Variants in TTL observed in about 807,000 individuals in gnomAD.
TTL encodes the protein tubulin tyrosine ligase.
In TTL, 10 loss-of-function variants were observed where a neutral mutation model predicts 41.1. The ratio of observed to expected loss-of-function variants is 0.24; its 90% confidence interval spans 0.15 to 0.41. TTL has a LOEUF of 0.41. Ranked by LOEUF, TTL falls within the 10% of genes least tolerant of loss-of-function variation. The probability of loss-of-function intolerance (pLI) is 1.00; values close to 1 mark genes in which losing one functional copy is unlikely to be tolerated. For synonymous variants in TTL, 175 were observed against 175.5 expected (o/e 1.00, Z 0.02); for missense variants, 367 against 460.4 (o/e 0.80, Z 1.86).
At chr2:112,511,092 G>T (rs1191376213) in intron 5 of TTL, among the ~76,000 whole-genome samples, 1 of 151,914 alleles carries the variant, frequency 6.6e-6, no homozygotes, top group Non-Finnish European at 1.5e-5. Context: ...AACATGGTTT[G>T]CTGCAGCCTT....
chr2:112,488,347 A>G (rs1470511012), intron 2 of TTL, among the ~76,000 whole-genome samples: 1 of 152,250 alleles, frequency 6.6e-6, no homozygotes, highest in African/African-American at 2.4e-5. Flanking sequence ...TCTGTGCAGG[A>G]AATGAGGGCT....
intron 5 of TTL, among the ~76,000 whole-genome samples, chr2:112,512,235 G>T (rs1023764658): frequency 6.6e-6 from 1 of 151,618 alleles, no homozygotes; most frequent in Non-Finnish European, 1.5e-5. Flanking sequence ...GGGATTACAG[G>T]CATGTGCCAC....
chr2:112,495,072 C>G (rs1362469115), intron 3 of TTL, among the ~76,000 whole-genome samples: 7 of 152,186 alleles, frequency 4.6e-5, no homozygotes, highest in Non-Finnish European at 8.8e-5. Flanking sequence ...TATCTCTGAT[C>G]TCATCTCCTT....
intron 6 of TTL, among the ~76,000 whole-genome samples, chr2:112,527,341 G>A (rs1682395895): frequency 6.6e-6 from 1 of 152,180 alleles, no homozygotes; most frequent in Non-Finnish European, 1.5e-5. Context: ...GCTTGGTGCA[G>A]AGCTGAGTTC....
chr2:112,530,759 G>T lies in TTL; in HGVS notation c.*1964G>T. ...TAAGAATTCAGATGTCAGGAAGTCT[G>T]TGAATCTTGATGGATTTTCTGAGAA... On this transcript the variant is annotated 3_prime_UTR_variant, in exon 7 of 7. Transcript: ENST00000233336. 4.9e-6 allele frequency: 1 copy of T among 203,436 alleles called. No homozygotes were observed. Among genetic ancestry groups the T allele is most frequent in the African/African-American group, 2.3e-5 (1 of 43,750 alleles). 12.6% of individuals were successfully genotyped at this position (203,436 alleles called of 1,614,324 possible). A position where few individuals can be genotyped will look rare whatever the true frequency, so the allele number is the denominator to read the frequency against.
At chr2:112,494,663 A>G (rs528575425) in intron 3 of TTL, among the ~76,000 whole-genome samples, 13 of 152,286 alleles carry the variant, frequency 8.5e-5, no homozygotes, top group African/African-American at 2.6e-4. Flanking sequence ...TGCCCACGCC[A>G]GCCTGCTCCT....
intron 5 of TTL, among the ~76,000 whole-genome samples, chr2:112,509,428 G>T (rs1358142353): frequency 6.6e-6 from 1 of 152,220 alleles, no homozygotes; most frequent in East Asian, 1.9e-4. Flanking sequence ...TTGCTGCCTT[G>T]TAGTTTGATC....
chr2:112,486,430 A>G (rs2104445844), intron 2 of TTL, among the ~76,000 whole-genome samples: 1 of 152,316 alleles, frequency 6.6e-6, no homozygotes, highest in South Asian at 2.1e-4. Flanking sequence ...TCAGTCAGCC[A>G]TTGGCTGTGG....
intron 1 of TTL, among the ~76,000 whole-genome samples, 173 bp from the exon 2 acceptor site, chr2:112,485,744 G>A (rs3961919): frequency 0.55 from 83,673 of 152,054 alleles, 24,758 homozygotes; most frequent in East Asian, 0.8. Context: ...GGTTGCCAGC[G>A]GAATACTGAG....
At position 112,492,354 on chromosome 2, in the gene TTL, G is replaced by A. The variant is rs138319567; in HGVS notation, c.237-1789G>A. ...TAATCCAGCACTTTGGGAGGCTGAGGTGGGTGGTTTACCTGAGGTCAGGAG... is the reference window on the plus strand; with the variant it reads ...TAATCCAGCACTTTGGGAGGCTGAGATGGGTGGTTTACCTGAGGTCAGGAG... On this transcript the variant is annotated intron_variant, in intron 2 of 6. Coordinates refer to ENST00000233336, the MANE Select transcript of TTL (RefSeq NM_153712.5). Among the ~76,000 whole-genome samples the A allele has an allele frequency of 5.7e-3, 864 of 152,344 alleles. 7 individuals carry two copies. Among genetic ancestry groups the A allele is most frequent in the African/African-American group, 0.02 (823 of 41,580 alleles).
At position 112,535,659 on chromosome 2, in the gene TTL, G is replaced by T. The variant is rs1682583606; in HGVS notation, c.*6864G>T. The T allele has an allele frequency of 6.6e-6, 1 of 151,972 alleles. No individual in the cohort carries two copies. The highest frequency in any genetic ancestry group is 1.5e-5 in the Non-Finnish European group (1 of 68,014). The allele number at this position is 151,972 out of a possible 1,614,324, so 9.4% of individuals were successfully genotyped here. A position where few individuals can be genotyped will look rare whatever the true frequency, so the allele number is the denominator to read the frequency against. ...GGCCTAAAGAAACCAACAGTAAAAT[G>T]GTAGATAAATCCTGCCTTATCAGTA... is the stretch of plus-strand genomic sequence containing the variant. On this transcript the variant is annotated 3_prime_UTR_variant, in exon 7 of 7. Coordinates refer to ENST00000233336, the MANE Select transcript of TTL (RefSeq NM_153712.5).
intron 6 of TTL, among the ~76,000 whole-genome samples, chr2:112,521,647 C>T (rs988748716): frequency 6.6e-6 from 1 of 152,168 alleles, no homozygotes; most frequent in African/African-American, 2.4e-5. Flanking sequence ...TCTCTGCAGC[C>T]GATAAGTGCT....
intron 6 of TTL, among the ~76,000 whole-genome samples, chr2:112,527,140 G>A (rs1480691201): frequency 6.6e-6 from 1 of 152,190 alleles, no homozygotes; most frequent in Non-Finnish European, 1.5e-5. Flanking sequence ...TGATTGCACT[G>A]TGGTCTGGGA....
intron 3 of TTL, among the ~76,000 whole-genome samples, chr2:112,498,190 G>T (rs2104455398): frequency 6.6e-6 from 1 of 152,168 alleles, no homozygotes; most frequent in South Asian, 2.1e-4. Flanking sequence ...GGGCTTGGTG[G>T]CAGTCACCTG....
At chr2:112,523,238 G>C (rs111877846) in intron 6 of TTL, among the ~76,000 whole-genome samples, 1,996 of 152,218 alleles carry the variant, frequency 0.013, 23 homozygotes, top group Non-Finnish European at 0.02. Context: ...AGCTTTCTCT[G>C]AACAGTCCTA....
At position 112,482,282 on chromosome 2, in the gene TTL, G is replaced by T. The variant is rs1158868153; in HGVS notation, c.-63G>T. 12 of 1,188,038 alleles carry T rather than the reference G, an allele frequency of 1.0e-5. No homozygotes were observed. Among genetic ancestry groups the T allele is most frequent in the Non-Finnish European group, 1.3e-5 (12 of 941,996 alleles). 73.6% of individuals were successfully genotyped at this position (1,188,038 alleles called of 1,614,324 possible). On this transcript the variant is annotated 5_prime_UTR_variant, in exon 1 of 7. Transcript: ENST00000233336. This position sits in a 1 kb window ranked among gnomAD's most constrained non-coding sequence, Gnocchi z 5.3. The stretch of plus-strand genomic sequence containing the variant: ...GCCCGGGCGGGGTCCGCGCTGAGCC[G>T]CCTTCTCGGCCGCCTGGTCCCTGCG...
At position 112,531,055 on chromosome 2, in the gene TTL, C is replaced by G. The variant is rs965884613; in HGVS notation, c.*2260C>G. Reference sequence around the variant, plus strand: ...TATTCGCAGTTGTAATCATAGCACACTGCAGCCTCGAATTTCTGGGCTTGA... The same window carrying G: ...TATTCGCAGTTGTAATCATAGCACAGTGCAGCCTCGAATTTCTGGGCTTGA... On this transcript the variant is annotated 3_prime_UTR_variant, in exon 7 of 7. Coordinates refer to ENST00000233336, the MANE Select transcript of TTL (RefSeq NM_153712.5). The G allele has an allele frequency of 1.5e-5, 3 of 201,224 alleles. No individual in the cohort carries two copies. Among genetic ancestry groups the G allele is most frequent in the African/African-American group, 2.3e-5 (1 of 43,496 alleles). The allele number at this position is 201,224 out of a possible 1,614,324, so 12.5% of individuals were successfully genotyped here.
intron 6 of TTL, among the ~76,000 whole-genome samples, chr2:112,527,468 A>G (rs570909924): frequency 6.6e-6 from 1 of 152,290 alleles, no homozygotes; most frequent in South Asian, 2.1e-4. Flanking sequence ...GTAAGTCTCT[A>G]AGGACTTGCT....
chr2:112,489,999 A>T (rs1003232054), intron 2 of TTL, among the ~76,000 whole-genome samples: 1 of 152,254 alleles, frequency 6.6e-6, no homozygotes, highest in Non-Finnish European at 1.5e-5. Flanking sequence ...ATCAGTGAAT[A>T]CTGGCAGAGA....
Sources: gnomAD v4.1 joint callset for allele counts (sites outside exome capture counted in the v4.1 genomes callset) on GRCh38, gnomAD v4.1.1 for gene constraint, Gnocchi (gnomAD v3.1) non-coding constraint, MANE v1.5 for transcripts, NCBI Gene and HGNC (gene_info 2026-07-23, HGNC 2026-07-21) for gene names.